The following PRELID2 variants were observed in gnomAD, a reference collection of about 807,000 sequenced individuals.
The protein encoded by PRELID2 is PRELI domain containing 2, also known as PRELI domain-containing protein 2.
A neutral mutation model predicts 28.4 loss-of-function variants in PRELID2; 25 were observed. The observed-to-expected ratio is 0.88, with a 90% CI of 0.64 to 1.23. The LOEUF (loss-of-function observed/expected upper bound fraction) is 1.23. Ranked by LOEUF, PRELID2 falls within the 50% of genes most tolerant of loss-of-function variation. PRELID2 has a pLI of 0.00. For synonymous variants in PRELID2, 76 were observed against 71.6 expected (o/e 1.06, Z -0.31); for missense variants, 201 against 214.4 (o/e 0.94, Z 0.39).
chr5:145,600,451 A>ATATATATATATATG lies in PRELID2; in HGVS notation n.71-127137_71-127136insCATATATATATATA, dbSNP rs1328695707. Among the ~76,000 whole-genome samples the ATATATATATATATG allele has an allele frequency of 1.7e-3, 231 of 138,250 alleles. 6 individuals carry two copies. The highest frequency in any genetic ancestry group is 5.7e-3 in the African/African-American group (184 of 32,372). The allele number at this position is 138,250 out of a possible 152,430, so 90.7% of individuals were successfully genotyped here. ...AAAAAAAAAATATATATATATATATATATGTATCTCACAGGTGTGATGGGG... is the reference window on the plus strand; with the variant it reads ...AAAAAAAAAATATATATATATATATATATATATATATATGTATGTATCTCACAGGTGTGATGGGG... On this transcript the variant is annotated intron_variant and non_coding_transcript_variant, in intron 1 of 2. Transcript: ENST00000510259.
intron 1 of PRELID2, among the ~76,000 whole-genome samples, chr5:145,551,147 A>G (rs1446093696): frequency 6.6e-6 from 1 of 152,168 alleles, no homozygotes; most frequent in Admixed American, 6.5e-5. Context: ...GCAAACTAAG[A>G]GAACCTGCTT....
intron 1 of PRELID2, among the ~76,000 whole-genome samples, chr5:145,573,462 T>C (rs1036689781): frequency 6.6e-6 from 1 of 152,096 alleles, no homozygotes; most frequent in South Asian, 2.1e-4. Context: ...AAGCCCCACA[T>C]GCATCAGGTA....
chr5:145,423,895 G>A, the PRELID2 span, among the ~76,000 whole-genome samples: 3 of 148,524 alleles, frequency 2.0e-5, no homozygotes, highest in African/African-American at 7.4e-5. Flanking sequence ...TGATGTTGGT[G>A]ATGTACAGAT....
chr5:145,630,584 GT>G (rs1251848865), intron 1 of PRELID2, among the ~76,000 whole-genome samples: 2 of 152,124 alleles, frequency 1.3e-5, no homozygotes, highest in Non-Finnish European at 2.9e-5. Context: ...GTTCTTCCTT[GT>G]ATCTGGTTGT....
the PRELID2 span, among the ~76,000 whole-genome samples, chr5:145,377,715 C>G: frequency 6.6e-6 from 1 of 152,170 alleles, no homozygotes; most frequent in South Asian, 2.1e-4. Flanking sequence ...TTTTCTCCAT[C>G]CCTTTATTTT....
chr5:145,673,057 T>C (rs1033486566), intron 1 of PRELID2, among the ~76,000 whole-genome samples: 3 of 152,082 alleles, frequency 2.0e-5, no homozygotes, highest in Non-Finnish European at 4.4e-5. Context: ...CCAGAAAAGC[T>C]CACAGAAGGT....
chr5:145,672,456 A>G, intron 1 of PRELID2, among the ~76,000 whole-genome samples: 1 of 147,254 alleles, frequency 6.8e-6, no homozygotes, highest in East Asian at 2.1e-4. Flanking sequence ...GACATAAGGA[A>G]TGGCTTTTTT....
At chr5:145,395,925 C>A in the PRELID2 span, among the ~76,000 whole-genome samples, 4 of 152,132 alleles carry the variant, frequency 2.6e-5, no homozygotes. Flanking sequence ...GCTTATCAAT[C>A]TTTGCCACAG....
chr5:145,591,019 G>A (rs1271611168), intron 1 of PRELID2, among the ~76,000 whole-genome samples: 2 of 151,840 alleles, frequency 1.3e-5, no homozygotes, highest in Admixed American at 6.6e-5. Flanking sequence ...TCCTTGGCTA[G>A]GCATGGTGGC....
In PRELID2 at chr5:145,691,589, G is replaced by A. The variant is rs780091650; in HGVS notation, n.70+73342C>T. Among the ~76,000 whole-genome samples the A allele has an allele frequency of 3.3e-5, 5 of 152,132 alleles. No homozygotes were observed. The East Asian group carries it at 5.8e-4, about 18-fold the overall frequency. Reference sequence around the variant, plus strand: ...ACAAAAATTCCAGGTGTGGTGGCACGTGCCTGTAGTCCCAGCTACTCGGGA... The same window carrying A: ...ACAAAAATTCCAGGTGTGGTGGCACATGCCTGTAGTCCCAGCTACTCGGGA... On this transcript the variant is annotated intron_variant and non_coding_transcript_variant, in intron 1 of 2. Transcript: ENST00000510259.
intron 1 of PRELID2, among the ~76,000 whole-genome samples, chr5:145,637,069 G>C (rs2149661720): frequency 6.6e-6 from 1 of 152,120 alleles, no homozygotes; most frequent in Non-Finnish European, 1.5e-5. Context: ...TGCCTCAGAT[G>C]GGAGGTTTAG....
intron 1 of PRELID2, among the ~76,000 whole-genome samples, chr5:145,744,203 G>T (rs1005697901): frequency 1.3e-5 from 2 of 152,224 alleles, no homozygotes; most frequent in African/African-American, 4.8e-5. Context: ...CAGGGGAGGG[G>T]TGGCCACAGT....
intron 1 of PRELID2, among the ~76,000 whole-genome samples, chr5:145,605,940 A>C (rs73311518): frequency 0.067 from 10,164 of 151,940 alleles, 1,089 homozygotes; most frequent in African/African-American, 0.23. Context: ...TCTCTGATTT[A>C]TTTCAGCAGA....
At chr5:145,681,315 A>G (rs1754931797) in intron 1 of PRELID2, among the ~76,000 whole-genome samples, 1 of 151,706 alleles carries the variant, frequency 6.6e-6, no homozygotes, top group African/African-American at 2.4e-5. Context: ...ATGGCCCTCT[A>G]TTTTTCTTTT....
intron 1 of PRELID2, among the ~76,000 whole-genome samples, chr5:145,520,780 C>G (rs1561498745): frequency 6.6e-6 from 1 of 152,120 alleles, no homozygotes; most frequent in Non-Finnish European, 1.5e-5. Flanking sequence ...CAAGGATTGC[C>G]TGTTTTCATA....
At chr5:145,281,044 A>G in the PRELID2 span, among the ~76,000 whole-genome samples, 1 of 152,122 alleles carries the variant, frequency 6.6e-6, no homozygotes, top group Non-Finnish European at 1.5e-5. Context: ...ACCATTCTGC[A>G]TTCTTCTTTG....
At chr5:145,311,455 G>A in the PRELID2 span, among the ~76,000 whole-genome samples, 3 of 152,148 alleles carry the variant, frequency 2.0e-5, no homozygotes, top group East Asian at 3.9e-4. Flanking sequence ...CACCAATTGT[G>A]TAATCAGTCC....
At chr5:145,477,764 T>C (rs1027376654) in intron 1 of PRELID2, among the ~76,000 whole-genome samples, 2 of 152,156 alleles carry the variant, frequency 1.3e-5, no homozygotes, top group South Asian at 4.1e-4. Flanking sequence ...TGAGTGCAAG[T>C]ATATGCATTG....
intron 5 of PRELID2, among the ~76,000 whole-genome samples, chr5:145,771,956 T>C (rs1343016656): frequency 6.6e-6 from 1 of 152,150 alleles, no homozygotes; most frequent in Non-Finnish European, 1.5e-5. Context: ...TCCAGTTTTC[T>C]CATCAAAAGG....
Sources: allele counts gnomAD v4.1 joint callset (sites outside exome capture counted in the v4.1 genomes callset), GRCh38; gene constraint gnomAD v4.1.1; transcripts MANE v1.5; gene names NCBI Gene and HGNC (gene_info 2026-07-23, HGNC 2026-07-21).